The following CAPN11 variants were observed in gnomAD, a reference collection of about 807,000 sequenced individuals.
CAPN11 encodes the protein calpain-11.
CAPN11 carries 108 observed loss-of-function variants against 105.3 expected under a neutral mutation model. The ratio of observed to expected loss-of-function variants is 1.03; its 90% CI spans 0.88 to 1.20. The LOEUF (loss-of-function observed/expected upper bound fraction) is 1.20. CAPN11 is among the 50% of genes most tolerant of loss of function. The pLI is 0.00. For synonymous variants in CAPN11, 329 were observed against 344.5 expected, an observed-to-expected ratio of 0.96 and a Z score of 0.50; for missense variants, 883 against 924.8, an observed-to-expected ratio of 0.95 and a Z score of 0.59.
At position 44,166,824 on chromosome 6, in the gene CAPN11, G is replaced by C. The variant is rs1440530355; in HGVS notation, c.83G>C (p.Cys28Ser). 2 of 1,551,162 alleles carry C rather than the reference G, an allele frequency of 1.3e-6. No individual in the cohort carries two copies. The highest frequency in any genetic ancestry group is 1.7e-6 in the Non-Finnish European group (2 of 1,146,232). The change falls in exon 2 of 23, where the codon TGT (cysteine) becomes TCT (serine). Residue 28 changes from cysteine (C) to serine (S), a missense_variant. Coordinates refer to ENST00000398776, the MANE Select transcript of CAPN11 (RefSeq NM_007058.4). ...CAGGAGGATAAGCCTCGGGGCTCAT[G>C]TGCGGGTAGGACTGCAGACCCGTCG... ...GSQEDKPRGS[C>S]AEPTFTDTGM...
chr6:44,168,099 C>T (rs1770285330), intron 2 of CAPN11, among the ~76,000 whole-genome samples: 1 of 152,096 alleles, frequency 6.6e-6, no homozygotes, highest in South Asian at 2.1e-4. Flanking sequence ...ATGCATCCAA[C>T]ACCACAACCA....
intron 5 of CAPN11, 21 bp from the exon 6 acceptor site, chr6:44,172,919 G>C (rs772252566): frequency 6.2e-7 from 1 of 1,611,676 alleles, no homozygotes; most frequent in Non-Finnish European, 8.5e-7. Flanking sequence ...CACGCAAGGG[G>C]TGTGTGTTTG....
At chr6:44,182,007 CACACAT>C (rs1279820252) in intron 19 of CAPN11, among the ~76,000 whole-genome samples, 2 of 96,766 alleles carry the variant, frequency 2.1e-5, no homozygotes, top group Non-Finnish European at 4.1e-5. Context: ...CACTCACACA[CACACAT>C]ACACACTCAC....
In CAPN11 at chr6:44,166,750, T is replaced by C. The variant is rs1205612495; in HGVS notation, c.17-8T>C. On this transcript the variant is annotated splice_polypyrimidine_tract_variant and splice_region_variant and intron_variant, in intron 1 of 22. Transcript: ENST00000398776. ...TTCCTCCCCTCCTCCCACTCTTTCT[T>C]ATTCTAGGGCCGAGTCTTCCGGAGT... The C allele has an allele frequency of 6.4e-6, 10 of 1,550,422 alleles. No homozygotes were observed. The East Asian group carries it at 2.0e-4, about 30-fold the overall frequency.
In CAPN11 at chr6:44,173,053, G is replaced by A; in HGVS notation, c.642G>A (p.Leu214=). 6.2e-7 allele frequency: 1 copy of A among 1,613,602 alleles called. No homozygotes were observed. Residue 214 remains leucine, a synonymous_variant, in exon 6 of 23, where the codon CTG becomes CTA. Transcript: ENST00000398776. ...STERSEFWSA[L]LEKAYAKLSG... ...AACGCAGTGAGTTCTGGAGTGCCCT[G>A]CTGGAGAAGGCGTATGCCAAGTGAG...
Position 44,173,065 on chromosome 6 carries a change from G to T in CAPN11, c.654G>T (p.Ala218=). ...TCTGGAGTGCCCTGCTGGAGAAGGC[G>T]TATGCCAAGTGAGTGCTGGGAGCTG... The part of the protein sequence containing the change: ...SEFWSALLEK[A]YAKLSGSYEA... Residue 218 remains alanine, a synonymous_variant, in exon 6 of 23, where the codon GCG becomes GCT. Coordinates refer to ENST00000398776, the MANE Select transcript of CAPN11 (RefSeq NM_007058.4). The T allele has an allele frequency of 6.2e-7, 1 of 1,613,450 alleles. No individual in the cohort carries two copies. Among genetic ancestry groups the T allele is most frequent in the Non-Finnish European group, 8.5e-7 (1 of 1,179,550 alleles).
intron 19 of CAPN11, 37 bp downstream of exon 19, chr6:44,181,357 G>GA: frequency 6.3e-7 from 1 of 1,582,512 alleles, no homozygotes; most frequent in Non-Finnish European, 8.7e-7. Flanking sequence ...CAGGGGTGAG[G>GA]AAAAGAGGGT....
chr6:44,166,290 T>C (rs1769832739), intron 1 of CAPN11, among the ~76,000 whole-genome samples: 1 of 152,170 alleles, frequency 6.6e-6, no homozygotes. Flanking sequence ...AGGCTCAGCA[T>C]AGAGTGAAGG....
intron 1 of CAPN11, among the ~76,000 whole-genome samples, chr6:44,162,617 C>G (rs974748163): frequency 3.3e-5 from 5 of 152,158 alleles, no homozygotes; most frequent in Non-Finnish European, 5.9e-5. Flanking sequence ...GCACCCCACC[C>G]TCAGGGGAAT....
At chr6:44,181,081 C>G in intron 18 of CAPN11, 84 bp downstream of exon 18, 1 of 1,317,992 alleles carries the variant, frequency 7.6e-7, no homozygotes. Flanking sequence ...CCAGCCACGT[C>G]CTCCTCCCTG....
chr6:44,183,314 C>T (rs1261492918), intron 21 of CAPN11, 79 bp downstream of exon 21: 24 of 862,012 alleles, frequency 2.8e-5, no homozygotes, highest in Non-Finnish European at 4.8e-5. Flanking sequence ...CTGATGGGTG[C>T]TGCTCCAGAT....
At chr6:44,166,911 C>T in intron 2 of CAPN11, 82 bp downstream of exon 2, 2 of 675,400 alleles carry the variant, frequency 3.0e-6, no homozygotes, top group Non-Finnish European at 4.9e-6. Context: ...CCTGGGCCTG[C>T]TGGTGGGGGA....
intron 21 of CAPN11, 72 bp downstream of exon 21, chr6:44,183,307 A>G: frequency 8.7e-6 from 8 of 915,538 alleles, no homozygotes; most frequent in African/African-American, 1.6e-5. Context: ...ACCCACCCTG[A>G]TGGGTGCTGC....
chr6:44,158,875 A>T lies in CAPN11; in HGVS notation c.16+11A>T. The T allele has an allele frequency of 9.7e-6, 15 of 1,550,388 alleles. No homozygotes were observed. The highest frequency in any genetic ancestry group is 1.2e-5 in the Non-Finnish European group (14 of 1,145,928). On this transcript the variant is annotated intron_variant, in intron 1 of 22. Coordinates refer to ENST00000398776, the MANE Select transcript of CAPN11 (RefSeq NM_007058.4). ...TGCTGTACTCCCCAGGTAGGCACTC[A>T]TGGGGCCTTGCCCCACTCCTGTACC...
intron 19 of CAPN11, among the ~76,000 whole-genome samples, chr6:44,182,542 AG>A (rs920696419): frequency 2.4e-4 from 36 of 152,110 alleles, no homozygotes; most frequent in Admixed American, 9.8e-4. Context: ...CCAGGGTTGG[AG>A]GGGGGCATGG....
At chr6:44,180,248 C>T in intron 14 of CAPN11, 85 bp downstream of exon 14, 2 of 1,072,608 alleles carry the variant, frequency 1.9e-6, no homozygotes, top group Non-Finnish European at 2.8e-6. Context: ...TCGGGTCCTC[C>T]CTCACTTTGT....
chr6:44,178,487 A>G (rs1247320914), intron 12 of CAPN11, among the ~76,000 whole-genome samples: 1 of 152,160 alleles, frequency 6.6e-6, no homozygotes, highest in Non-Finnish European at 1.5e-5. Context: ...GCAAGTATTT[A>G]TGGAGCATCT....
chr6:44,184,321 G>A lies in CAPN11; in HGVS notation c.*389G>A, dbSNP rs1774220822. 3 of 245,520 alleles carry A rather than the reference G, an allele frequency of 1.2e-5. No homozygotes were observed. Among genetic ancestry groups the A allele is most frequent in the South Asian group, 1.7e-4 (2 of 11,804 alleles). 15.2% of individuals were successfully genotyped at this position (245,520 alleles called of 1,614,324 possible). On this transcript the variant is annotated 3_prime_UTR_variant, in exon 23 of 23. Coordinates refer to ENST00000398776, the MANE Select transcript of CAPN11 (RefSeq NM_007058.4). ...CTTGCTGTCCTGCTCACACCTACCT[G>A]CTGACCACCCATCCTGGCACAGCCT...
intron 1 of CAPN11, among the ~76,000 whole-genome samples, chr6:44,162,357 C>G (rs545932529): frequency 3.7e-4 from 52 of 140,742 alleles, no homozygotes; most frequent in African/African-American, 1.3e-3. Flanking sequence ...CTCACAGTCT[C>G]TTTGAATAAA....
Sources: allele counts gnomAD v4.1 joint callset (sites outside exome capture counted in the v4.1 genomes callset), GRCh38; gene constraint gnomAD v4.1.1; transcripts MANE v1.5; gene names NCBI Gene and HGNC (gene_info 2026-07-23, HGNC 2026-07-21).